CDH11: variants seen among roughly 807,000 people sequenced by gnomAD.
The protein encoded by CDH11 is cadherin 11.
Under a neutral mutation model 67.8 loss-of-function variants are expected in CDH11, and 11 were observed. The observed-to-expected ratio is 0.16, with a 90% CI of 0.10 to 0.27. The LOEUF is 0.27. CDH11 is among the 10% of genes least tolerant of loss of function. The pLI, the probability that CDH11 is intolerant of heterozygous loss-of-function variation, is 1.00. For synonymous variants in CDH11, 419 were observed against 400.0 expected (o/e 1.05, Z -0.57); for missense variants, 847 against 1,031.2 (o/e 0.82, Z 2.45).
Position 65,013,826 on chromosome 16 carries a change from C to CA in CDH11, c.-172-8786dup, listed in dbSNP as rs1055538395. On this transcript the variant is annotated intron_variant, in intron 2 of 12. Coordinates refer to ENST00000268603, the MANE Select transcript of CDH11 (RefSeq NM_001797.4). ...TGGGCAACAGAGCAAGACTCCATCT[C>CA]AAAAAAAAAAAGAAAGAAAAAGGGA... Among the ~76,000 whole-genome samples, 725 of 126,622 alleles carry CA rather than the reference C, an allele frequency of 5.7e-3. 3 individuals are homozygous for CA. The highest frequency in any genetic ancestry group is 9.0e-3 in the Non-Finnish European group (532 of 59,362). 83.1% of individuals were successfully genotyped at this position (126,622 alleles called of 152,430 possible).
intron 1 of CDH11, among the ~76,000 whole-genome samples, chr16:65,087,966 T>C (rs930991668): frequency 1.4e-4 from 22 of 152,156 alleles, no homozygotes; most frequent in African/African-American, 5.3e-4. Context: ...AAAATAAATA[T>C]ACAAATGACT....
intron 11 of CDH11, among the ~76,000 whole-genome samples, chr16:64,954,891 G>T (rs1198608769): frequency 6.6e-6 from 1 of 150,780 alleles, no homozygotes; most frequent in African/African-American, 2.4e-5. Context: ...ATGACTTGAG[G>T]CCAGGAGTTC....
chr16:64,950,499 C>G (rs187089241), intron 12 of CDH11, among the ~76,000 whole-genome samples: 3 of 152,054 alleles, frequency 2.0e-5, no homozygotes, highest in Admixed American at 2.0e-4. Flanking sequence ...TGTGATGGCC[C>G]GGCAAAATGC....
At position 64,947,868 on chromosome 16, in the gene CDH11, C is replaced by T. The variant is rs773001928; in HGVS notation, c.2126G>A (p.Arg709Gln). The change falls in exon 13 of 13, where the codon CGG becomes CAG. Residue 709 changes from arginine to glutamine, a missense_variant. Coordinates refer to ENST00000268603, the MANE Select transcript of CDH11 (RefSeq NM_001797.4). ...GACATCCACGCTGTTGGGCGCTGGCCGGAGCCCAGGTCTAGGCATGTACTG... is the reference window on the plus strand; with the variant it reads ...GACATCCACGCTGTTGGGCGCTGGCTGGAGCCCAGGTCTAGGCATGTACTG... ...EYQYMPRPGL[R>Q]PAPNSVDVDD... 32 of 1,613,986 alleles carry T rather than the reference C, an allele frequency of 2.0e-5. No individual in the cohort carries two copies. Among genetic ancestry groups the T allele is most frequent in the South Asian group, 1.1e-4 (10 of 91,078 alleles).
chr16:65,021,869 T>A (rs1294871906), intron 2 of CDH11, among the ~76,000 whole-genome samples: 12 of 52,566 alleles, frequency 2.3e-4, no homozygotes, highest in South Asian at 6.6e-4. Flanking sequence ...ACCCCTAAAG[T>A]AACTCAGAAA....
chr16:65,020,997 A>C (rs2073412355), intron 2 of CDH11, among the ~76,000 whole-genome samples: 1 of 152,090 alleles, frequency 6.6e-6, no homozygotes, highest in Admixed American at 6.5e-5. Context: ...TTTTTTACCA[A>C]ATCCTGGATC....
chr16:64,948,098 G>A lies in CDH11; in HGVS notation c.1896C>T (p.Val632=). Residue 632 remains valine (V), a splice_region_variant and synonymous_variant, in exon 13 of 13, where the codon GTC becomes GTT. Coordinates refer to ENST00000268603, the MANE Select transcript of CDH11 (RefSeq NM_001797.4). ...AILACIVILL[V]IVVLFVTLRR... is the part of the protein sequence containing the mutation. ...TCAGGGTCACAAACAATACTACAAT[G>A]ACTGGAGGGAAAGAAAAAGAAGGTA... 1 of 1,607,832 alleles carries A rather than the reference G, an allele frequency of 6.2e-7. No individual in the cohort carries two copies. Among genetic ancestry groups the A allele is most frequent in the Non-Finnish European group, 8.5e-7 (1 of 1,176,270 alleles).
At chr16:65,062,581 T>C (rs1266682294) in intron 1 of CDH11, among the ~76,000 whole-genome samples, 1 of 152,232 alleles carries the variant, frequency 6.6e-6, no homozygotes, top group Non-Finnish European at 1.5e-5. Context: ...ACTATCCTTT[T>C]GCAATATAAA....
intron 1 of CDH11, among the ~76,000 whole-genome samples, chr16:65,096,403 C>T (rs1175209442): frequency 3.0e-5 from 4 of 133,968 alleles, no homozygotes; most frequent in South Asian, 2.7e-4. Context: ...ATAAATCTTT[C>T]GGGGTGTGTG....
At chr16:65,116,134 T>G (rs551495316) in intron 1 of CDH11, among the ~76,000 whole-genome samples, 20 of 152,174 alleles carry the variant, frequency 1.3e-4, no homozygotes, top group Non-Finnish European at 2.9e-4. Context: ...AAAACTGAAC[T>G]TTCCAGAATG....
chr16:65,094,654 A>C (rs2074855412), intron 1 of CDH11: 1 of 152,150 alleles, frequency 6.6e-6, no homozygotes, highest in Non-Finnish European at 1.5e-5. Flanking sequence ...TGCTTCTTTA[A>C]CATGGTTTCA....
chr16:65,007,272 T>C (rs899428172), intron 2 of CDH11, among the ~76,000 whole-genome samples: 1 of 152,230 alleles, frequency 6.6e-6, no homozygotes, highest in African/African-American at 2.4e-5. Context: ...CTGGTGACTG[T>C]CACTTTTCTC....
intron 8 of CDH11, among the ~76,000 whole-genome samples, chr16:64,977,000 A>G (rs1017105879): frequency 7.9e-5 from 12 of 152,092 alleles, no homozygotes; most frequent in Non-Finnish European, 1.6e-4. Context: ...TGAGACCAGC[A>G]TGGGCAACAT....
chr16:65,039,949 G>A (rs147912024), intron 2 of CDH11, among the ~76,000 whole-genome samples: 109 of 152,142 alleles, frequency 7.2e-4, no homozygotes, highest in Middle Eastern at 6.8e-3. Context: ...GCCAAAAGAC[G>A]TGAAAAAGTT....
chr16:64,945,340 C>G lies in CDH11; in HGVS notation c.*2263G>C. 2.7e-6 allele frequency: 2 copies of G among 731,898 alleles called. No homozygotes were observed. Among genetic ancestry groups the G allele is most frequent in the Non-Finnish European group, 3.4e-6 (2 of 586,552 alleles). 45.3% of individuals were successfully genotyped at this position (731,898 alleles called of 1,614,324 possible). On this transcript the variant is annotated 3_prime_UTR_variant, in exon 13 of 13. Transcript: ENST00000268603. ...AAAAAGAAAAAGAAAAACAAGTATTCTTAACTACTGAAAAGTAAACAGCCT... is the reference window on the plus strand; with the variant it reads ...AAAAAGAAAAAGAAAAACAAGTATTGTTAACTACTGAAAAGTAAACAGCCT...
chr16:65,115,714 A>AG, intron 1 of CDH11, among the ~76,000 whole-genome samples: 1 of 138,742 alleles, frequency 7.2e-6, no homozygotes, highest in African/African-American at 2.6e-5. Flanking sequence ...CACCAAAAAA[A>AG]AAAAAAACAA....
intron 11 of CDH11, among the ~76,000 whole-genome samples, chr16:64,953,298 A>T (rs1026067261): frequency 3.6e-5 from 5 of 140,654 alleles, no homozygotes; most frequent in Admixed American, 2.9e-4. Flanking sequence ...ATATACACAC[A>T]CATATATATA....
chr16:65,110,902 A>T (rs7498311), intron 1 of CDH11, among the ~76,000 whole-genome samples: 132,585 of 151,762 alleles, frequency 0.87, 58,016 homozygotes, highest in East Asian at 1. Context: ...GCCAAGCATG[A>T]GCTAAATGGA....
chr16:64,964,728 T>C (rs990395793), intron 11 of CDH11, among the ~76,000 whole-genome samples: 23 of 151,856 alleles, frequency 1.5e-4, no homozygotes, highest in African/African-American at 5.1e-4. Context: ...TTTTGTATTT[T>C]TAGTAGAGAC....
Sources: allele counts gnomAD v4.1 joint callset (sites outside exome capture counted in the v4.1 genomes callset), GRCh38; gene constraint gnomAD v4.1.1; transcripts MANE v1.5; gene names NCBI Gene and HGNC (gene_info 2026-07-23, HGNC 2026-07-21).